The following RBFOX1 variants were observed in gnomAD, a reference collection of about 807,000 sequenced individuals.
RBFOX1 encodes the protein RNA binding fox-1 homolog 1.
RBFOX1 carries 8 observed loss-of-function variants against 57.7 expected under a neutral mutation model. The observed-to-expected ratio is 0.14, with a 90% CI of 0.08 to 0.25. RBFOX1 has a LOEUF of 0.25. RBFOX1 is among the 10% of genes least tolerant of loss of function. RBFOX1 has a pLI of 1.00. For missense variants in RBFOX1, 611 were observed against 548.5 expected (o/e 1.11, Z -1.14); for synonymous variants, 326 against 222.4 (o/e 1.47, Z -4.15).
At chr16:5,907,573 C>T (rs1433097059) in intron 4 of RBFOX1, among the ~76,000 whole-genome samples, 1 of 152,120 alleles carries the variant, frequency 6.6e-6, no homozygotes, top group Non-Finnish European at 1.5e-5. Flanking sequence ...CTGAGTACCA[C>T]ACATATGTCC....
chr16:6,769,900 A>T (rs1603618683), intron 3 of RBFOX1, among the ~76,000 whole-genome samples: 1 of 152,296 alleles, frequency 6.6e-6, no homozygotes, highest in East Asian at 1.9e-4. Flanking sequence ...GTTCAGATTT[A>T]TTTCTCATAA....
At chr16:7,468,714 G>C (rs540833779) in intron 4 of RBFOX1, among the ~76,000 whole-genome samples, 1 of 152,226 alleles carries the variant, frequency 6.6e-6, no homozygotes, top group South Asian at 2.1e-4. Context: ...TTTAAACTGT[G>C]GCAGGAGGTC....
At chr16:5,289,316 C>T (rs571892299) in intron 1 of RBFOX1, 5 of 410,014 alleles carry the variant, frequency 1.2e-5, no homozygotes, top group African/African-American at 1.0e-4. Flanking sequence ...AGCCTCATTC[C>T]AGGAGCAGGT....
chr16:6,906,337 C>G (rs563227510), intron 3 of RBFOX1, among the ~76,000 whole-genome samples: 6 of 151,960 alleles, frequency 3.9e-5, no homozygotes, highest in Admixed American at 3.3e-4. Flanking sequence ...GTGTCTCAGG[C>G]ACTACCTAAT....
At chr16:7,269,423 CTT>C (rs1411851439) in intron 4 of RBFOX1, among the ~76,000 whole-genome samples, 1 of 152,046 alleles carries the variant, frequency 6.6e-6, no homozygotes, top group African/African-American at 2.4e-5. Flanking sequence ...TGATATTTCT[CTT>C]TTTGGGGTCT....
chr16:5,772,348 G>A (rs1003641494), intron 3 of RBFOX1, among the ~76,000 whole-genome samples: 1 of 148,044 alleles, frequency 6.8e-6, no homozygotes, highest in African/African-American at 2.5e-5. Context: ...CTTCCCATGT[G>A]CTTTTCACAC....
At chr16:6,103,786 A>G (rs2096344108) in intron 1 of RBFOX1, among the ~76,000 whole-genome samples, 1 of 152,168 alleles carries the variant, frequency 6.6e-6, no homozygotes, top group Admixed American at 6.5e-5. Flanking sequence ...TTCACCACAG[A>G]GTAGCATGGG....
chr16:7,150,939 T>C (rs2075990140), intron 4 of RBFOX1, among the ~76,000 whole-genome samples: 1 of 152,202 alleles, frequency 6.6e-6, no homozygotes, highest in South Asian at 2.1e-4. Flanking sequence ...AACCTTAATT[T>C]CTGAGCTGAT....
intron 3 of RBFOX1, among the ~76,000 whole-genome samples, chr16:6,938,921 G>A (rs575143495): frequency 9.2e-5 from 14 of 152,258 alleles, no homozygotes; most frequent in African/African-American, 2.4e-4. Flanking sequence ...GACATAGTGA[G>A]AGTCCATCTC....
intron 4 of RBFOX1, among the ~76,000 whole-genome samples, chr16:5,991,628 T>A (rs2060399033): frequency 6.6e-6 from 1 of 150,832 alleles, no homozygotes; most frequent in African/African-American, 2.4e-5. Context: ...CCATTTGGTT[T>A]GGGAAATTAT....
chr16:6,232,848 C>T (rs1038452473), intron 1 of RBFOX1, among the ~76,000 whole-genome samples: 4 of 152,148 alleles, frequency 2.6e-5, no homozygotes, highest in Non-Finnish European at 2.9e-5. Context: ...GTTTGCAGGT[C>T]TGTTTAGTAG....
At chr16:6,786,204 G>A (rs2081933680) in intron 3 of RBFOX1, among the ~76,000 whole-genome samples, 1 of 152,154 alleles carries the variant, frequency 6.6e-6, no homozygotes, top group African/African-American at 2.4e-5. Flanking sequence ...CATTCCTTGG[G>A]GAGGGGTATG....
At chr16:6,878,980 G>C (rs759025818) in intron 3 of RBFOX1, among the ~76,000 whole-genome samples, 7 of 152,088 alleles carry the variant, frequency 4.6e-5, no homozygotes, top group Non-Finnish European at 1.0e-4. Flanking sequence ...AAAATGACTT[G>C]TATAAGGTCA....
intron 5 of RBFOX1, among the ~76,000 whole-genome samples, chr16:7,531,359 A>G (rs1459838808): frequency 6.6e-6 from 1 of 152,168 alleles, no homozygotes; most frequent in Non-Finnish European, 1.5e-5. Context: ...CATACTGGGT[A>G]CCCAGTGGAA....
chr16:6,443,845 CCCATCCATCCAT>C (rs941937640), intron 2 of RBFOX1, among the ~76,000 whole-genome samples: 1 of 147,364 alleles, frequency 6.8e-6, no homozygotes, highest in African/African-American at 2.7e-5. Context: ...CATCCATGCA[CCCATCCATCCAT>C]CCATCCATCC....
intron 1 of RBFOX1, among the ~76,000 whole-genome samples, chr16:5,406,501 C>T (rs915138747): frequency 6.6e-6 from 1 of 152,048 alleles, no homozygotes; most frequent in African/African-American, 2.4e-5. Context: ...TGTGGAACTT[C>T]TTAATCTCCA....
At chr16:7,471,298 C>G (rs993353751) in intron 4 of RBFOX1, among the ~76,000 whole-genome samples, 3 of 152,070 alleles carry the variant, frequency 2.0e-5, no homozygotes, top group African/African-American at 7.2e-5. Flanking sequence ...ACTGCAATCT[C>G]TTTAAAATAC....
chr16:7,050,145 C>T (rs900404319), intron 3 of RBFOX1, among the ~76,000 whole-genome samples: 3 of 132,632 alleles, frequency 2.3e-5, no homozygotes, highest in African/African-American at 1.0e-4. Context: ...GTGTATAATT[C>T]AATGTGGGCT....
At chr16:6,377,499 C>A (rs1264510738) in intron 2 of RBFOX1, among the ~76,000 whole-genome samples, 2 of 152,080 alleles carry the variant, frequency 1.3e-5, no homozygotes, top group African/African-American at 4.8e-5. Flanking sequence ...TGATAATGCT[C>A]TGGGCCCTGG....
Sources: allele counts gnomAD v4.1 joint callset (sites outside exome capture counted in the v4.1 genomes callset), GRCh38; gene constraint gnomAD v4.1.1; transcripts MANE v1.5; gene names NCBI Gene and HGNC (gene_info 2026-07-23, HGNC 2026-07-21).